Variants in KCNMA1 observed in about 807,000 individuals in gnomAD.
The protein encoded by KCNMA1 is Calcium-activated potassium channel subunit alpha-1.
KCNMA1 carries 29 observed loss-of-function variants against 140.0 expected under a neutral mutation model. The ratio of observed to expected loss-of-function variants is 0.21; its 90% CI spans 0.15 to 0.28. The LOEUF (loss-of-function observed/expected upper bound fraction) is 0.28. Ranked by LOEUF, KCNMA1 falls within the 10% of genes least tolerant of loss-of-function variation. The pLI, the probability that KCNMA1 is intolerant of heterozygous loss-of-function variation, is 1.00. For missense variants in KCNMA1, 880 were observed against 1,602.2 expected, an observed-to-expected ratio of 0.55 and a Z score of 7.70; for synonymous variants, 612 against 611.9, an observed-to-expected ratio of 1.00 and a Z score of 0.00.
intron 5 of KCNMA1, among the ~76,000 whole-genome samples, chr10:77,138,905 G>A (rs916159124): frequency 6.6e-6 from 1 of 152,140 alleles, no homozygotes; most frequent in Non-Finnish European, 1.5e-5. Context: ...ACCCGATCTG[G>A]AGCCCAGTCC....
intron 1 of KCNMA1, among the ~76,000 whole-genome samples, chr10:77,618,266 T>C (rs982570474): frequency 1.3e-5 from 2 of 152,206 alleles, no homozygotes; most frequent in Non-Finnish European, 2.9e-5. Flanking sequence ...CGTAAACTTC[T>C]GCTGTATTAA....
intron 23 of KCNMA1, 80 bp downstream of exon 23, chr10:76,944,693 A>C: frequency 1.5e-6 from 2 of 1,344,262 alleles, no homozygotes; most frequent in South Asian, 2.4e-5. Flanking sequence ...GCCTCTTTGA[A>C]TTACTGAGTG....
intron 15 of KCNMA1, among the ~76,000 whole-genome samples, chr10:77,037,447 T>C (rs1247757): frequency 0.82 from 124,119 of 152,176 alleles, 50,716 homozygotes; most frequent in Middle Eastern, 0.85. Flanking sequence ...CTAGTTGATA[T>C]CTACGTGAGT....
chr10:77,160,807 G>A (rs2098546055), intron 5 of KCNMA1, among the ~76,000 whole-genome samples: 2 of 152,170 alleles, frequency 1.3e-5, no homozygotes, highest in Admixed American at 1.3e-4. Context: ...AATAGGCCCT[G>A]GTTTTGTTAG....
chr10:76,913,598 A>T (rs1396814789), intron 24 of KCNMA1: 1 of 153,876 alleles, frequency 6.5e-6, no homozygotes, highest in Non-Finnish European at 1.4e-5. Flanking sequence ...AAAAATAAAC[A>T]GCTGGAGGGA....
intron 2 of KCNMA1, among the ~76,000 whole-genome samples, chr10:77,289,805 T>C (rs76488494): frequency 0.016 from 2,453 of 152,308 alleles, 72 homozygotes; most frequent in African/African-American, 0.054. Flanking sequence ...ACTATGCTTA[T>C]CCAGAGTTAT....
chr10:77,441,503 T>C (rs2097399086), intron 1 of KCNMA1, among the ~76,000 whole-genome samples: 2 of 152,132 alleles, frequency 1.3e-5, no homozygotes, highest in Non-Finnish European at 2.9e-5. Flanking sequence ...CTAAGGACTT[T>C]AGAATTTGGC....
chr10:77,236,340 G>A lies in KCNMA1; in HGVS notation c.602+14855C>T, dbSNP rs372730119. 2.8e-4 allele frequency among the ~76,000 whole-genome samples: 43 copies of A among 152,292 alleles called. 1 individual carries two copies. The South Asian group carries it at 6.2e-3, about 22-fold the overall frequency. The stretch of plus-strand genomic sequence containing the variant: ...CTTTTCCCTGTAATAAATTGTAACC[G>A]TGAGTATAATAGCCTTCAGTGAGCT... On this transcript the variant is annotated intron_variant, in intron 3 of 27. Transcript: ENST00000286628.
intron 1 of KCNMA1, chr10:77,587,656 A>C (rs1165659250): frequency 1.0e-6 from 1 of 975,174 alleles, no homozygotes; most frequent in Non-Finnish European, 1.2e-6. Flanking sequence ...CTCTGAGGAC[A>C]CCTTCAGTGG....
At chr10:77,240,738 C>T (rs141813824) in intron 3 of KCNMA1, among the ~76,000 whole-genome samples, 434 of 152,336 alleles carry the variant, frequency 2.8e-3, no homozygotes, top group Non-Finnish European at 4.9e-3. Flanking sequence ...ATCAGCTGGA[C>T]CTGGGAAGCC....
chr10:77,173,055 T>G (rs950279564), intron 5 of KCNMA1, among the ~76,000 whole-genome samples: 8 of 152,108 alleles, frequency 5.3e-5, no homozygotes, highest in Non-Finnish European at 1.2e-4. Flanking sequence ...TTTCAACACA[T>G]ACATTTGGGG....
intron 2 of KCNMA1, among the ~76,000 whole-genome samples, chr10:77,303,742 A>T (rs1479023001): frequency 6.6e-6 from 1 of 152,092 alleles, no homozygotes; most frequent in Non-Finnish European, 1.5e-5. Flanking sequence ...TAGAAATGTG[A>T]ATTCTTGGGC....
At chr10:77,019,206 G>A (rs550228173) in intron 16 of KCNMA1, 107 bp from the exon 17 acceptor site, 13 of 707,280 alleles carry the variant, frequency 1.8e-5, no homozygotes, top group Middle Eastern at 6.7e-4. Context: ...GGGCCCACTA[G>A]TCTAAAGCTT....
chr10:77,549,339 G>A lies in KCNMA1; in HGVS notation c.378+87926C>T, dbSNP rs1045566095. On this transcript the variant is annotated intron_variant, in intron 1 of 27. Transcript: ENST00000286628. Reference sequence around the variant, plus strand: ...GGAGTAAGGCCAGGACCCTTCAGATGGAGAGGAAGTCTCTCTCCCTAGATG... The same window carrying A: ...GGAGTAAGGCCAGGACCCTTCAGATAGAGAGGAAGTCTCTCTCCCTAGATG... Among the ~76,000 whole-genome samples, 4 of 152,294 alleles carry A rather than the reference G, an allele frequency of 2.6e-5. No homozygotes were observed. The East Asian group carries it at 7.7e-4, about 29-fold the overall frequency.
intron 19 of KCNMA1, among the ~76,000 whole-genome samples, chr10:76,976,434 GA>G (rs1025070095): frequency 9.2e-5 from 14 of 151,928 alleles, no homozygotes; most frequent in Non-Finnish European, 1.5e-4. Context: ...ATAGGAGAGA[GA>G]AAAAAAATAC....
chr10:77,438,831 C>A (rs1294158857), intron 1 of KCNMA1, among the ~76,000 whole-genome samples: 1 of 152,174 alleles, frequency 6.6e-6, no homozygotes, highest in African/African-American at 2.4e-5. Context: ...AATCCCAGCA[C>A]TTTGGGAGGC....
rs566057978 is a variant in KCNMA1, at chr10:77,095,196, C to T, written c.1224-4686G>A. Reference sequence around the variant, plus strand: ...CTTAGACCATCAGCGATTGTCCTGACCAATTTCTATAGGGCCTGACCACTC... The same window carrying T: ...CTTAGACCATCAGCGATTGTCCTGATCAATTTCTATAGGGCCTGACCACTC... On this transcript the variant is annotated intron_variant, in intron 9 of 27. Transcript: ENST00000286628. Among the ~76,000 whole-genome samples the T allele has an allele frequency of 5.3e-5, 8 of 152,302 alleles. No homozygotes were observed. The East Asian group carries it at 1.5e-3, about 29-fold the overall frequency.
At chr10:76,931,187 T>C (rs915980572) in intron 23 of KCNMA1, among the ~76,000 whole-genome samples, 1 of 152,146 alleles carries the variant, frequency 6.6e-6, no homozygotes, top group Non-Finnish European at 1.5e-5. Context: ...ATAGTAACTA[T>C]GGGAGATGAT....
chr10:77,597,592 GA>G (rs1259429993), intron 1 of KCNMA1, among the ~76,000 whole-genome samples: 1 of 152,198 alleles, frequency 6.6e-6, no homozygotes, highest in Non-Finnish European at 1.5e-5. Context: ...TTAAACAACT[GA>G]AAAGCCATAT....
Sources: allele counts gnomAD v4.1 joint callset (sites outside exome capture counted in the v4.1 genomes callset), GRCh38; gene constraint gnomAD v4.1.1; transcripts MANE v1.5; gene names NCBI Gene and HGNC (gene_info 2026-07-23, HGNC 2026-07-21).